The following CLCN6 variants were observed in gnomAD, a reference collection of about 807,000 sequenced individuals.
CLCN6 encodes Cl-/H+ antiporter 6.
In CLCN6, 70 loss-of-function variants were observed where a neutral mutation model predicts 109.8. The observed-to-expected ratio is 0.64, with a 90% CI of 0.53 to 0.78. The LOEUF (loss-of-function observed/expected upper bound fraction) is 0.78, where lower values mean the gene tolerates loss of function less well. CLCN6 is among the 30% of genes least tolerant of loss of function. The pLI, the probability that CLCN6 is intolerant of heterozygous loss-of-function variation, is 0.00. For synonymous variants in CLCN6, 444 were observed against 447.8 expected (o/e 0.99, Z 0.11); for missense variants, 984 against 1,142.3 (o/e 0.86, Z 2.00).
Position 11,816,605 on chromosome 1 carries a change from G to T in CLCN6, c.214-10G>T. ...CTGTAAACTGAATCATTCTTTTCCT[G>T]TGTGAACAGAAAGGTCGAAGATATG... On this transcript the variant is annotated splice_polypyrimidine_tract_variant and intron_variant, in intron 3 of 22. Coordinates refer to ENST00000346436, the MANE Select transcript of CLCN6 (RefSeq NM_001286.5). 6.2e-7 allele frequency: 1 copy of T among 1,610,716 alleles called. No homozygotes were observed. Among genetic ancestry groups the T allele is most frequent in the Non-Finnish European group, 8.5e-7 (1 of 1,178,158 alleles).
chr1:11,834,429 C>T lies in CLCN6; in HGVS notation c.1686+34C>T, dbSNP rs750363593. On this transcript the variant is annotated intron_variant, in intron 16 of 22. Coordinates refer to ENST00000346436, the MANE Select transcript of CLCN6 (RefSeq NM_001286.5). The surrounding 1 kb of genome is among the most constrained non-coding windows in gnomAD (Gnocchi z 4.5). The stretch of plus-strand genomic sequence containing the variant: ...ACTCCCTCCAGGCCCCTGTCAGGCT[C>T]AGGGCCACGTCCGCCCCACAGGACC... 4.7e-5 allele frequency: 76 copies of T among 1,612,950 alleles called. No individual in the cohort carries two copies. The highest frequency in any genetic ancestry group is 6.2e-5 in the Non-Finnish European group (73 of 1,179,218).
chr1:11,838,357 C>T lies in CLCN6; in HGVS notation c.2318C>T (p.Ser773Phe). ...CAGAGCGCCAGCCAGCCGCGCCTCTCCTATGCCGAGATGGCCGAGGACTAC... is the reference window on the plus strand; with the variant it reads ...CAGAGCGCCAGCCAGCCGCGCCTCTTCTATGCCGAGATGGCCGAGGACTAC... Reference protein sequence around the residue: ...SQSSASQPRLSYAEMAEDYPR... With the variant: ...SQSSASQPRLFYAEMAEDYPR... The change falls in exon 21 of 23, where the codon TCC becomes TTC. Residue 773 changes from serine to phenylalanine, a missense_variant. By Grantham distance (155) the Ser-to-Phe change is radical. Coordinates refer to ENST00000346436, the MANE Select transcript of CLCN6 (RefSeq NM_001286.5). 1 of 1,613,018 alleles carries T rather than the reference C, an allele frequency of 6.2e-7. No homozygotes were observed. Among genetic ancestry groups the T allele is most frequent in the Non-Finnish European group, 8.5e-7 (1 of 1,179,738 alleles).
In CLCN6 at chr1:11,831,655, C is replaced by A. The variant is rs1017382639; in HGVS notation, c.1249-1860C>A. ...GATTTAAAGCATACAAAAAACGATT[C>A]TGTGGTCAAATGGGCTAGGAATTAA... On this transcript the variant is annotated intron_variant, in intron 13 of 22. Transcript: ENST00000346436. Among the ~76,000 whole-genome samples the A allele has an allele frequency of 2.6e-5, 4 of 152,186 alleles. 1 individual carries two copies. In the South Asian group the frequency reaches 8.3e-4, roughly 32 times the overall value.
chr1:11,815,753 T>C lies in CLCN6; in HGVS notation c.148-93T>C, dbSNP rs144341312. On this transcript the variant is annotated intron_variant, in intron 2 of 22. Coordinates refer to ENST00000346436, the MANE Select transcript of CLCN6 (RefSeq NM_001286.5). ...GCTGCAGGTACCACTGCTCTGCCCATCCACACGTTGAGTAGCAGGAACCCA... is the reference window on the plus strand; with the variant it reads ...GCTGCAGGTACCACTGCTCTGCCCACCCACACGTTGAGTAGCAGGAACCCA... The C allele has an allele frequency of 6.4e-4, 586 of 922,172 alleles. 3 individuals carry two copies. The African/African-American group carries it at 8.5e-3, about 13-fold the overall frequency. The allele number at this position is 922,172 out of a possible 1,614,324, so 57.1% of individuals were successfully genotyped here.
intron 7 of CLCN6, 73 bp downstream of exon 7, chr1:11,823,906 T>C: frequency 6.3e-7 from 1 of 1,586,814 alleles, no homozygotes; most frequent in South Asian, 1.1e-5. Flanking sequence ...TGTATTTCAG[T>C]TATTAGATTT....
At chr1:11,828,697 C>A in intron 12 of CLCN6, 73 bp downstream of exon 12, 1 of 1,458,212 alleles carries the variant, frequency 6.9e-7, no homozygotes, top group Non-Finnish European at 9.3e-7. Context: ...GCCATCTCTC[C>A]CGAGGAGCGG....
chr1:11,829,394 G>T, intron 13 of CLCN6, 72 bp downstream of exon 13: 2 of 1,556,478 alleles, frequency 1.3e-6, no homozygotes, highest in Non-Finnish European at 1.8e-6. Context: ...ACCTTCCTCT[G>T]TTGAGAACTA....
chr1:11,828,518 G>C lies in CLCN6; in HGVS notation c.1015G>C (p.Val339Leu). 1 of 1,614,090 alleles carries C rather than the reference G, an allele frequency of 6.2e-7. No homozygotes were observed. The highest frequency in any genetic ancestry group is 8.5e-7 in the Non-Finnish European group (1 of 1,180,026). The change falls in exon 12 of 23, where the codon GTG (valine) becomes CTG (leucine). Residue 339 changes from valine (V) to leucine (L), a missense_variant. Coordinates refer to ENST00000346436, the MANE Select transcript of CLCN6 (RefSeq NM_001286.5). ...AGCTATGGATTTGGGTTTCTTCGTC[G>C]TGATGGGGGTCATTGGGGGCCTCCT... is the stretch of plus-strand genomic sequence containing the variant. Reference protein sequence around the residue: ...WTAMDLGFFVVMGVIGGLLGA... With the variant: ...WTAMDLGFFVLMGVIGGLLGA...
chr1:11,824,194 T>C (rs974448961), intron 7 of CLCN6, among the ~76,000 whole-genome samples: 1 of 152,254 alleles, frequency 6.6e-6, no homozygotes, highest in African/African-American at 2.4e-5. Flanking sequence ...ATGTGTGCAT[T>C]TAAGAACGTA....
In CLCN6 at chr1:11,834,179, TC is replaced by T; in HGVS notation, c.1527-53del. 2.5e-6 allele frequency: 4 copies of T among 1,594,726 alleles called. No homozygotes were observed. The highest frequency in any genetic ancestry group is 3.4e-6 in the Non-Finnish European group (4 of 1,170,526). ...GCACAAGAGTATGAGCTGTAGGTCCTCCCCACAGCCTATCAGTGTGGTTCAA... is the reference window on the plus strand; with the variant it reads ...GCACAAGAGTATGAGCTGTAGGTCCTCCCACAGCCTATCAGTGTGGTTCAA... On this transcript the variant is annotated intron_variant, in intron 15 of 22. Coordinates refer to ENST00000346436, the MANE Select transcript of CLCN6 (RefSeq NM_001286.5). The surrounding 1 kb of genome is among the most constrained non-coding windows in gnomAD (Gnocchi z 4.5).
chr1:11,834,042 GTGTGCGTGTGTGTGCGCA>G lies in CLCN6; in HGVS notation c.1526+18_1526+35del, dbSNP rs745894560. The stretch of plus-strand genomic sequence containing the variant: ...AATGTCCTAAAAAGGTACTCTGTGT[GTGTGCGTGTGTGTGCGCA>G]TGTGCATGTGTGTGCACGTGTGCGT... On this transcript the variant is annotated intron_variant, in intron 15 of 22. Coordinates refer to ENST00000346436, the MANE Select transcript of CLCN6 (RefSeq NM_001286.5). This position sits in a 1 kb window ranked among gnomAD's most constrained non-coding sequence, Gnocchi z 4.5. 1.2e-6 allele frequency: 2 copies of G among 1,612,516 alleles called. No individual in the cohort carries two copies. The highest frequency in any genetic ancestry group is 1.3e-5 in the African/African-American group (1 of 74,878).
At chr1:11,813,680 C>G (rs912005983) in intron 2 of CLCN6, among the ~76,000 whole-genome samples, 4 of 152,166 alleles carry the variant, frequency 2.6e-5, no homozygotes, top group Admixed American at 6.5e-5. Flanking sequence ...CGTGAGCCAT[C>G]ACGCCCAGCC....
chr1:11,837,134 C>T lies in CLCN6; in HGVS notation c.2116C>T (p.Leu706=), dbSNP rs1402264603. The change falls in exon 19 of 23, where the codon CTG becomes TTG. Residue 706 remains leucine (L), a synonymous_variant. Coordinates refer to ENST00000346436, the MANE Select transcript of CLCN6 (RefSeq NM_001286.5). ...GGAGCCAGCCGAGAAGGAGGACCTC[C>T]TGCAGCAGATGCTGGAAAGGAGGTG... ...SEEPAEKEDL[L]QQMLERRYTP... The T allele has an allele frequency of 6.2e-7, 1 of 1,612,904 alleles. No individual in the cohort carries two copies. Among genetic ancestry groups the T allele is most frequent in the Non-Finnish European group, 8.5e-7 (1 of 1,179,928 alleles).
intron 9 of CLCN6, among the ~76,000 whole-genome samples, chr1:11,826,441 A>C (rs1280501664): frequency 6.6e-6 from 1 of 152,226 alleles, no homozygotes; most frequent in African/African-American, 2.4e-5. Flanking sequence ...ATCTCAGGCA[A>C]ATGAAGATGG....
intron 1 of CLCN6, 65 bp from the exon 2 acceptor site, chr1:11,807,066 A>G (rs1236191895): frequency 1.4e-6 from 2 of 1,387,392 alleles, no homozygotes; most frequent in Non-Finnish European, 2.0e-6. Context: ...ATTTCAGTAA[A>G]TACTTCTGCC....
intron 2 of CLCN6, among the ~76,000 whole-genome samples, chr1:11,810,180 T>G (rs1352502947): frequency 6.6e-6 from 1 of 152,244 alleles, no homozygotes; most frequent in Non-Finnish European, 1.5e-5. Context: ...GTGCCCCTTC[T>G]TCCTGTCTCA....
At chr1:11,806,861 CT>C in intron 1 of CLCN6, 2 of 436,984 alleles carry the variant, frequency 4.6e-6, no homozygotes, top group Admixed American at 3.9e-5. Flanking sequence ...TTTTACCCCC[CT>C]TTTCAGCTGG....
chr1:11,840,707 C>T lies in CLCN6; in HGVS notation c.*484C>T, dbSNP rs575342148. 5.0e-6 allele frequency: 1 copy of T among 199,170 alleles called. No homozygotes were observed. The highest frequency in any genetic ancestry group is 1.1e-5 in the Non-Finnish European group (1 of 94,438). 12.3% of individuals were successfully genotyped at this position (199,170 alleles called of 1,614,324 possible). A position where few individuals can be genotyped will look rare whatever the true frequency, so the allele number is the denominator to read the frequency against. On this transcript the variant is annotated 3_prime_UTR_variant, in exon 23 of 23. Coordinates refer to ENST00000346436, the MANE Select transcript of CLCN6 (RefSeq NM_001286.5). ...TTAGGAATTGGGCACTGAGAAAATT[C>T]TCAATATTTCAGAGAGTCCTTCCCT...
At chr1:11,816,182 A>T (rs911880847) in intron 3 of CLCN6, among the ~76,000 whole-genome samples, 3 of 152,164 alleles carry the variant, frequency 2.0e-5, no homozygotes, top group African/African-American at 7.2e-5. Context: ...GCCATAAAGT[A>T]TTTTTTAATT....
Sources: gnomAD v4.1 joint callset for allele counts (sites outside exome capture counted in the v4.1 genomes callset) on GRCh38, gnomAD v4.1.1 for gene constraint, Gnocchi (gnomAD v3.1) non-coding constraint, MANE v1.5 for transcripts, NCBI Gene and HGNC (gene_info 2026-07-23, HGNC 2026-07-21) for gene names.